Variants in PAK3 observed in about 807,000 individuals in gnomAD.
PAK3 encodes the protein p21 (RAC1) activated kinase 3, also known as serine/threonine-protein kinase PAK 3.
PAK3 carries 4 observed loss-of-function variants against 41.0 expected under a neutral mutation model. The observed-to-expected ratio is 0.10, with a 90% CI of 0.05 to 0.22. PAK3 has a LOEUF of 0.22. Among genes scored for constraint, PAK3 ranks in the 10% least tolerant of loss-of-function variants. The pLI, the probability that PAK3 is intolerant of heterozygous loss-of-function variation, is 1.00. For synonymous variants in PAK3, 146 were observed against 139.6 expected (o/e 1.05, Z -0.32); for missense variants, 205 against 409.9 (o/e 0.50, Z 4.32).
At chrX:110,977,858 ATTCT>A (rs1447418852) in intron 1 of PAK3, among the ~76,000 whole-genome samples, 2 of 111,915 alleles carry the variant, frequency 1.8e-5, no homozygotes, top group African/African-American at 6.5e-5. Context: ...GATTATTTAA[ATTCT>A]TTCTTTCCAA....
chrX:111,037,217 T>C (rs971803724), intron 1 of PAK3, among the ~76,000 whole-genome samples: 2 of 111,960 alleles, frequency 1.8e-5, no homozygotes, highest in Non-Finnish European at 3.8e-5. Context: ...AGTGCTGGGA[T>C]TACAGTCATG....
intron 1 of PAK3, among the ~76,000 whole-genome samples, chrX:110,973,688 T>C (rs2148638543): frequency 8.9e-6 from 1 of 112,060 alleles, no homozygotes; most frequent in Non-Finnish European, 1.9e-5. Context: ...AACATCATAA[T>C]GACAGGATCA....
At chrX:111,095,347 CTT>C (rs764112989), upstream of PAK3, among the ~76,000 whole-genome samples, 3 of 111,956 alleles carry the variant, frequency 2.7e-5, no homozygotes, top group African/African-American at 6.5e-5. Context: ...TATTATTTGA[CTT>C]TTTATGGCAG....
intron 8 of PAK3, among the ~76,000 whole-genome samples, chrX:111,153,614 C>T (rs368155630): frequency 8.9e-6 from 1 of 111,842 alleles, no homozygotes; most frequent in South Asian, 3.7e-4. Context: ...ATTCTTCTTC[C>T]TTTTATAGCA....
At chrX:111,033,139 G>T (rs1324539966) in intron 1 of PAK3, among the ~76,000 whole-genome samples, 1 of 110,973 alleles carries the variant, frequency 9.0e-6, no homozygotes, top group East Asian at 2.8e-4. Context: ...TACACACAGG[G>T]GCAACACACA....
At chrX:111,026,838 C>T (rs2092276794) in intron 1 of PAK3, among the ~76,000 whole-genome samples, 1 of 111,627 alleles carries the variant, frequency 9.0e-6, no homozygotes, top group Non-Finnish European at 1.9e-5. Flanking sequence ...CAAAAAAGAG[C>T]CCACATAGCC....
intron 11 of PAK3, among the ~76,000 whole-genome samples, chrX:111,185,970 G>C (rs7056766): frequency 0.19 from 21,417 of 110,413 alleles, 4,618 homozygotes; most frequent in African/African-American, 0.63. Flanking sequence ...TTCATCCCTG[G>C]GATGCAAGGC....
At chrX:111,095,730 C>T (rs747751943), upstream of PAK3, among the ~76,000 whole-genome samples, 1 of 111,782 alleles carries the variant, frequency 8.9e-6, no homozygotes, top group Admixed American at 9.5e-5. Context: ...TTAGAGATTC[C>T]GTCAGTTTAA....
At chrX:111,064,221 A>G (rs1011804614) in intron 1 of PAK3, among the ~76,000 whole-genome samples, 1 of 112,414 alleles carries the variant, frequency 8.9e-6, no homozygotes, top group Non-Finnish European at 1.9e-5. Context: ...CGAATCATAT[A>G]TCTTTCCACA....
intron 5 of PAK3, among the ~76,000 whole-genome samples, chrX:111,140,212 G>A (rs1323340332): frequency 8.9e-6 from 1 of 111,968 alleles, no homozygotes; most frequent in African/African-American, 3.2e-5. Context: ...TTAGTATTTG[G>A]GAGTGGAGGC....
chrX:111,071,857 G>A (rs950860865), intron 1 of PAK3, among the ~76,000 whole-genome samples: 3 of 111,972 alleles, frequency 2.7e-5, no homozygotes, highest in Admixed American at 1.9e-4. Context: ...AAGTTTCTCA[G>A]TTTTCTAAAT....
chrX:110,978,204 A>AT (rs2091375234), intron 1 of PAK3, among the ~76,000 whole-genome samples: 1 of 111,789 alleles, frequency 8.9e-6, no homozygotes, highest in Non-Finnish European at 1.9e-5. Context: ...TGCAGATGTT[A>AT]AAACAACCTT....
At chrX:111,093,915 C>A (rs1005347039), upstream of PAK3, among the ~76,000 whole-genome samples, 4 of 111,992 alleles carry the variant, frequency 3.6e-5, no homozygotes, top group African/African-American at 1.3e-4. Flanking sequence ...CCAGGAAAAT[C>A]CAGTTATATT....
At chrX:111,137,982 A>G (rs2093815061) in intron 5 of PAK3, among the ~76,000 whole-genome samples, 1 of 111,539 alleles carries the variant, frequency 9.0e-6, no homozygotes, top group African/African-American at 3.3e-5. Flanking sequence ...AAAACAAAAG[A>G]AAAACTGGTT....
In PAK3 at chrX:111,162,535, A is replaced by G. The variant is rs377103597; in HGVS notation, c.469-380A>G. Among the ~76,000 whole-genome samples the G allele has an allele frequency of 6.9e-4, 77 of 112,177 alleles. No individual in the cohort carries two copies. In the East Asian group the frequency reaches 0.012, roughly 18 times the overall value. On this transcript the variant is annotated intron_variant, in intron 8 of 17. Coordinates refer to ENST00000372007, the MANE Select transcript of PAK3 (RefSeq NM_002578.5). ...TTTCAAGTTGACAAACTGTCAATCA[A>G]TAAATTGATAATCTGCCCAGTATAG...
intron 1 of PAK3, among the ~76,000 whole-genome samples, chrX:110,996,910 A>C (rs757970503): frequency 2.9e-4 from 32 of 112,095 alleles, no homozygotes; most frequent in African/African-American, 1.0e-3. Context: ...GATGAGTGCT[A>C]GGGAGAAAAG....
chrX:111,139,348 T>C (rs1305690830), intron 5 of PAK3, among the ~76,000 whole-genome samples: 1 of 111,734 alleles, frequency 8.9e-6, no homozygotes, highest in Non-Finnish European at 1.9e-5. Context: ...TAATTTTGAA[T>C]ATATAGCTTA....
chrX:110,954,396 C>A (rs1205616261), intron 1 of PAK3, among the ~76,000 whole-genome samples: 1 of 112,340 alleles, frequency 8.9e-6, no homozygotes, highest in African/African-American at 3.2e-5. Context: ...GTTAGCATTC[C>A]ATTTTACAGA....
At chrX:111,144,710 C>T (rs984472208) in intron 6 of PAK3, 28 of 336,248 alleles carry the variant, frequency 8.3e-5, no homozygotes, top group African/African-American at 7.2e-4. Flanking sequence ...TTGGTGATTA[C>T]TCTTTGGCTA....
Sources: gnomAD v4.1 joint callset for allele counts (sites outside exome capture counted in the v4.1 genomes callset) on GRCh38, gnomAD v4.1.1 for gene constraint, MANE v1.5 for transcripts, NCBI Gene and HGNC (gene_info 2026-07-23, HGNC 2026-07-21) for gene names.